ELF1: variants seen among roughly 807,000 people sequenced by gnomAD.
The protein encoded by ELF1 is ETS-related transcription factor Elf-1.
In ELF1, 24 loss-of-function variants were observed where a neutral mutation model predicts 59.9. The observed-to-expected ratio is 0.40, with a 90% confidence interval of 0.29 to 0.56. ELF1 has a LOEUF of 0.56. Ranked by LOEUF, ELF1 falls within the 20% of genes least tolerant of loss-of-function variation. ELF1 has a pLI of 0.44. For synonymous variants in ELF1, 248 were observed against 266.2 expected (o/e 0.93, Z 0.67); for missense variants, 627 against 742.2 (o/e 0.84, Z 1.80).
chr13:40,948,619 T>G (rs1695011985), intron 5 of ELF1, among the ~76,000 whole-genome samples: 3 of 152,190 alleles, frequency 2.0e-5, no homozygotes, highest in Admixed American at 2.0e-4. Flanking sequence ...GACATTATAC[T>G]CAAAATACTA....
chr13:41,000,722 T>C (rs925597284), intron 1 of ELF1, among the ~76,000 whole-genome samples: 1 of 152,180 alleles, frequency 6.6e-6, no homozygotes, highest in Non-Finnish European at 1.5e-5. Flanking sequence ...CAATACCTAA[T>C]GTCTAATAAG....
chr13:40,965,504 T>G (rs1872119086), intron 2 of ELF1, among the ~76,000 whole-genome samples: 1 of 151,992 alleles, frequency 6.6e-6, no homozygotes, highest in African/African-American at 2.4e-5. Flanking sequence ...GCACCTGTAA[T>G]CCTAGCTACT....
At chr13:40,987,206 G>C (rs1202348054) in intron 1 of ELF1, among the ~76,000 whole-genome samples, 1 of 149,996 alleles carries the variant, frequency 6.7e-6, no homozygotes, top group Non-Finnish European at 1.5e-5. Context: ...AAAATGCTGG[G>C]ATTACAGGCG....
Position 41,050,069 on chromosome 13 carries a change from T to C in ELF1, c.-229+10769A>G, listed in dbSNP as rs1219832312. Among the ~76,000 whole-genome samples, 40 of 152,242 alleles carry C rather than the reference T, an allele frequency of 2.6e-4. 1 individual carries two copies. Among genetic ancestry groups the C allele is most frequent in the Admixed American group, 2.6e-3 (40 of 15,284 alleles). On this transcript the variant is annotated intron_variant, in intron 1 of 1. Transcript: ENST00000405737. Reference sequence around the variant, plus strand: ...ACGTATTATCTTAATCCTTTTTAAGTATACAGTTCAATAGTCTTTAGTACA... The same window carrying C: ...ACGTATTATCTTAATCCTTTTTAAGCATACAGTTCAATAGTCTTTAGTACA...
In ELF1 at chr13:41,058,283, T is replaced by A. The variant is rs545150947; in HGVS notation, c.-229+2555A>T. On this transcript the variant is annotated intron_variant, in intron 1 of 1. Coordinates refer to the ELF1 transcript ENST00000405737. The stretch of plus-strand genomic sequence containing the variant: ...CCCATGGCCCTCCCTGCAGGCACTC[T>A]GTGCTCCTGCCAAACCGACTACTTG... Among the ~76,000 whole-genome samples the A allele has an allele frequency of 8.5e-5, 13 of 152,318 alleles. No individual in the cohort carries two copies. The East Asian group carries it at 2.3e-3, about 27-fold the overall frequency.
intron 1 of ELF1, among the ~76,000 whole-genome samples, chr13:41,055,731 C>A (rs1272043941): frequency 1.3e-5 from 2 of 152,096 alleles, no homozygotes; most frequent in African/African-American, 4.8e-5. Context: ...GTTGCCCAGG[C>A]TGGAGTTCAG....
chr13:40,978,556 A>T (rs1316673904), intron 2 of ELF1, among the ~76,000 whole-genome samples: 1 of 152,096 alleles, frequency 6.6e-6, no homozygotes, highest in Non-Finnish European at 1.5e-5. Flanking sequence ...TCTATAGCGC[A>T]CAAGATATCA....
chr13:40,966,826 A>G (rs1872202311), intron 2 of ELF1, among the ~76,000 whole-genome samples: 1 of 152,238 alleles, frequency 6.6e-6, no homozygotes, highest in Non-Finnish European at 1.5e-5. Flanking sequence ...ATATTTTCCC[A>G]AAACAAAAAG....
At chr13:40,939,583 A>G (rs1040594900) in intron 8 of ELF1, among the ~76,000 whole-genome samples, 1 of 152,194 alleles carries the variant, frequency 6.6e-6, no homozygotes, top group Non-Finnish European at 1.5e-5. Flanking sequence ...CACAGGGCCT[A>G]GGGAAATATA....
intron 5 of ELF1, among the ~76,000 whole-genome samples, chr13:40,944,688 G>A (rs1297517477): frequency 6.6e-6 from 1 of 152,122 alleles, no homozygotes; most frequent in Non-Finnish European, 1.5e-5. Context: ...CCACTGCCTT[G>A]TATTTAGGTT....
intron 3 of ELF1, among the ~76,000 whole-genome samples, chr13:40,954,599 C>T (rs1225056522): frequency 3.3e-5 from 5 of 152,018 alleles, no homozygotes; most frequent in African/African-American, 7.2e-5. Context: ...AGGCGCGCGC[C>T]GCCACGCCTG....
At chr13:41,029,430 T>C (rs1249552751) in intron 1 of ELF1, among the ~76,000 whole-genome samples, 1 of 152,178 alleles carries the variant, frequency 6.6e-6, no homozygotes, top group Non-Finnish European at 1.5e-5. Context: ...CCTGATCTCT[T>C]GCCCAGGCCT....
chr13:41,028,465 A>C (rs1229623713), intron 1 of ELF1, among the ~76,000 whole-genome samples: 2 of 152,232 alleles, frequency 1.3e-5, no homozygotes, highest in African/African-American at 4.8e-5. Context: ...AAGAACCACG[A>C]CCAGCTAAGG....
chr13:40,984,305 T>C (rs755332944), intron 1 of ELF1, among the ~76,000 whole-genome samples: 3 of 152,232 alleles, frequency 2.0e-5, no homozygotes, highest in Non-Finnish European at 4.4e-5. Context: ...GGCTTACACC[T>C]GTAACACCAG....
chr13:40,980,271 C>T (rs1202750593), intron 2 of ELF1, among the ~76,000 whole-genome samples: 1 of 152,128 alleles, frequency 6.6e-6, no homozygotes, highest in Admixed American at 6.5e-5. Flanking sequence ...ATCTCAATTT[C>T]CTCATTATAA....
At chr13:40,956,589 A>T (rs890351014) in intron 3 of ELF1, among the ~76,000 whole-genome samples, 1 of 150,556 alleles carries the variant, frequency 6.6e-6, no homozygotes, top group East Asian at 1.9e-4. Flanking sequence ...AAAAAAAAAA[A>T]AAAAAGAAAG....
intron 1 of ELF1, among the ~76,000 whole-genome samples, chr13:41,028,654 T>C (rs1876043343): frequency 6.6e-6 from 1 of 152,244 alleles, no homozygotes; most frequent in Non-Finnish European, 1.5e-5. Flanking sequence ...AAAGCAAATA[T>C]CTTTGTGTTC....
At chr13:40,970,286 A>C in intron 2 of ELF1, among the ~76,000 whole-genome samples, 1 of 152,224 alleles carries the variant, frequency 6.6e-6, no homozygotes, top group East Asian at 1.9e-4. Flanking sequence ...TTAGTAATTC[A>C]GCTAGGTTAC....
intron 1 of ELF1, among the ~76,000 whole-genome samples, chr13:41,029,797 A>G (rs1160497858): frequency 6.6e-6 from 1 of 152,158 alleles, no homozygotes. Flanking sequence ...TCTTTCTTGG[A>G]GCTGGGGCGC....
Sources: allele counts gnomAD v4.1 joint callset (sites outside exome capture counted in the v4.1 genomes callset), GRCh38; gene constraint gnomAD v4.1.1; transcripts MANE v1.5; gene names NCBI Gene and HGNC (gene_info 2026-07-23, HGNC 2026-07-21).